ARK2C: variants seen among roughly 807,000 people sequenced by gnomAD.
The protein encoded by ARK2C is E3 ubiquitin-protein ligase ARK2C.
At chr18:46,448,449 C>A in the ARK2C span, among the ~76,000 whole-genome samples, 3 of 152,244 alleles carry the variant, frequency 2.0e-5, no homozygotes, top group East Asian at 3.9e-4. Context: ...AAAGGGGCAG[C>A]GTGGCAGGGT....
the ARK2C span, chr18:46,337,035 T>G: frequency 6.1e-6 from 6 of 985,420 alleles, no homozygotes; most frequent in Non-Finnish European, 7.2e-6. Context: ...ACATCCGCCC[T>G]GGCCCTCAGA....
chr18:46,433,890 A>G, the ARK2C span, among the ~76,000 whole-genome samples: 3 of 152,166 alleles, frequency 2.0e-5, no homozygotes, highest in Non-Finnish European at 2.9e-5. Context: ...GGAACTCCTC[A>G]TGTCCCCTCC....
the ARK2C span, among the ~76,000 whole-genome samples, chr18:46,348,227 G>T: frequency 6.7e-6 from 1 of 148,406 alleles, no homozygotes; most frequent in Non-Finnish European, 1.5e-5. Context: ...GGGCCAAGGG[G>T]CTGGGGGGGG....
the ARK2C span, among the ~76,000 whole-genome samples, chr18:46,381,463 G>A: frequency 2.6e-5 from 4 of 152,168 alleles, no homozygotes; most frequent in South Asian, 4.1e-4. Context: ...AGGGACATCC[G>A]TTGAGTCCCT....
At chr18:46,339,955 C>T in the ARK2C span, among the ~76,000 whole-genome samples, 14 of 152,298 alleles carry the variant, frequency 9.2e-5, no homozygotes, top group South Asian at 4.1e-4. Flanking sequence ...TTTTAGGCTA[C>T]GGAAGCAACA....
chr18:46,457,628 C>T, the ARK2C span: 1 of 152,664 alleles, frequency 6.6e-6, no homozygotes, highest in African/African-American at 2.4e-5. Context: ...CCAATGTGTT[C>T]CTGGGAGCCG....
the ARK2C span, among the ~76,000 whole-genome samples, chr18:46,373,206 G>A: frequency 3.3e-5 from 5 of 152,246 alleles, no homozygotes; most frequent in Non-Finnish European, 5.9e-5. Flanking sequence ...TCCTTCATGG[G>A]CCTCCAGGGC....
chr18:46,363,948 T>TC, the ARK2C span, among the ~76,000 whole-genome samples: 17 of 144,614 alleles, frequency 1.2e-4, no homozygotes, highest in African/African-American at 4.4e-4. Context: ...TTCTTTTCTT[T>TC]TTTTTTTTTT....
At chr18:46,345,979 A>G in the ARK2C span, among the ~76,000 whole-genome samples, 2 of 151,916 alleles carry the variant, frequency 1.3e-5, no homozygotes, top group African/African-American at 4.8e-5. Context: ...CAGGATTGGA[A>G]CTCGGTTTCT....
At chr18:46,380,124 G>A in the ARK2C span, among the ~76,000 whole-genome samples, 38 of 152,356 alleles carry the variant, frequency 2.5e-4, no homozygotes, top group Admixed American at 2.3e-3. Flanking sequence ...CAGGGGCCTC[G>A]AACCTCTGCC....
At chr18:46,345,284 AG>A in the ARK2C span, among the ~76,000 whole-genome samples, 1 of 152,142 alleles carries the variant, frequency 6.6e-6, no homozygotes, top group African/African-American at 2.4e-5. Flanking sequence ...ATCTGGGGTG[AG>A]GGGGCAGCAG....
At chr18:46,411,715 G>A in the ARK2C span, among the ~76,000 whole-genome samples, 2 of 152,214 alleles carry the variant, frequency 1.3e-5, no homozygotes, top group African/African-American at 4.8e-5. Context: ...CCCTACTGAA[G>A]GAATCTCAGA....
At chr18:46,390,363 T>C in the ARK2C span, among the ~76,000 whole-genome samples, 1 of 152,214 alleles carries the variant, frequency 6.6e-6, no homozygotes, top group Non-Finnish European at 1.5e-5. Context: ...TGGGGCATTG[T>C]GGAGATTAAG....
At chr18:46,364,868 G>A in the ARK2C span, among the ~76,000 whole-genome samples, 4 of 152,098 alleles carry the variant, frequency 2.6e-5, no homozygotes, top group Non-Finnish European at 4.4e-5. Flanking sequence ...CTCAGCAGGC[G>A]GCTGACTCTG....
the ARK2C span, among the ~76,000 whole-genome samples, chr18:46,430,729 A>G: frequency 6.6e-6 from 1 of 152,062 alleles, no homozygotes; most frequent in Non-Finnish European, 1.5e-5. Flanking sequence ...TTCACCTCGT[A>G]CATTTCTAAT....
the ARK2C span, among the ~76,000 whole-genome samples, chr18:46,454,168 A>G: frequency 6.6e-6 from 1 of 151,270 alleles, no homozygotes; most frequent in East Asian, 1.9e-4. Context: ...AAACGAGAAG[A>G]TATATAGATT....
At chr18:46,456,147 G>A in the ARK2C span, 3 of 957,538 alleles carry the variant, frequency 3.1e-6, no homozygotes, top group East Asian at 2.6e-5. Context: ...TCACTGCACC[G>A]TGTGTCTGGG....
At chr18:46,361,370 AT>A in the ARK2C span, among the ~76,000 whole-genome samples, 1 of 152,166 alleles carries the variant, frequency 6.6e-6, no homozygotes, top group African/African-American at 2.4e-5. Context: ...ATCATTACAT[AT>A]GTCTGTGTAT....
chr18:46,370,622 G>A, the ARK2C span, among the ~76,000 whole-genome samples: 1 of 152,164 alleles, frequency 6.6e-6, no homozygotes, highest in Non-Finnish European at 1.5e-5. Flanking sequence ...GATCTTAAAC[G>A]TACCAGGTGT....
Sources: allele counts gnomAD v4.1 joint callset (sites outside exome capture counted in the v4.1 genomes callset), GRCh38; gene constraint gnomAD v4.1.1; transcripts MANE v1.5; gene names NCBI Gene and HGNC (gene_info 2026-07-23, HGNC 2026-07-21).